Variants in PAG1 observed in about 807,000 individuals in gnomAD.
The protein encoded by PAG1 is phosphoprotein membrane anchor with glycosphingolipid microdomains 1.
In PAG1, 23 loss-of-function variants were observed where a neutral mutation model predicts 31.7. The observed-to-expected ratio is 0.73, with a 90% CI of 0.52 to 1.03. The LOEUF (loss-of-function observed/expected upper bound fraction) is 1.03, where lower values mean the gene tolerates loss of function less well. Among genes scored for constraint, PAG1 ranks in the 50% least tolerant of loss-of-function variants. The pLI, the probability that PAG1 is intolerant of heterozygous loss-of-function variation, is 0.00. For missense variants in PAG1, 473 were observed against 540.7 expected (o/e 0.87, Z 1.24); for synonymous variants, 214 against 210.3 (o/e 1.02, Z -0.15).
At chr8:81,005,398 G>C (rs1807857589) in intron 3 of PAG1, among the ~76,000 whole-genome samples, 1 of 152,156 alleles carries the variant, frequency 6.6e-6, no homozygotes, top group African/African-American at 2.4e-5. Context: ...ACACAGGTGG[G>C]GGAAATCAGT....
intron 4 of PAG1, among the ~76,000 whole-genome samples, chr8:80,992,445 G>A (rs1357996919): frequency 6.6e-6 from 1 of 152,246 alleles, no homozygotes; most frequent in Non-Finnish European, 1.5e-5. Context: ...TAGCCTATCA[G>A]AAGGTTATGT....
intron 2 of PAG1, among the ~76,000 whole-genome samples, chr8:81,048,645 A>G (rs1015095813): frequency 6.6e-6 from 1 of 152,192 alleles, no homozygotes; most frequent in African/African-American, 2.4e-5. Flanking sequence ...CTTATCTGAC[A>G]ATGATTTTAT....
chr8:81,057,537 A>T (rs1159589322), intron 2 of PAG1, among the ~76,000 whole-genome samples: 1 of 131,248 alleles, frequency 7.6e-6, no homozygotes, highest in Non-Finnish European at 1.6e-5. Context: ...GGACACAGGA[A>T]GGGGAACATC....
At chr8:80,995,132 A>G (rs143607366) in intron 3 of PAG1, among the ~76,000 whole-genome samples, 1 of 152,360 alleles carries the variant, frequency 6.6e-6, no homozygotes, top group Non-Finnish European at 1.5e-5. Context: ...TTATTTGAAT[A>G]TTCAAAGTTA....
intron 2 of PAG1, among the ~76,000 whole-genome samples, chr8:81,056,995 A>G (rs1381586268): frequency 6.6e-6 from 1 of 152,240 alleles, no homozygotes; most frequent in Non-Finnish European, 1.5e-5. Flanking sequence ...GCCATCGGAG[A>G]AATGCAAATC....
chr8:81,056,147 G>A (rs1808819565), intron 2 of PAG1, among the ~76,000 whole-genome samples: 1 of 152,082 alleles, frequency 6.6e-6, no homozygotes, highest in Admixed American at 6.6e-5. Flanking sequence ...TACCTAATTT[G>A]TTGAGAGTTT....
chr8:81,088,538 A>C (rs1809397062), intron 1 of PAG1, among the ~76,000 whole-genome samples: 1 of 152,210 alleles, frequency 6.6e-6, no homozygotes, highest in Admixed American at 6.5e-5. Flanking sequence ...TATAATACAA[A>C]ATAGACAAAC....
chr8:81,071,688 G>C (rs1809096278), intron 1 of PAG1, among the ~76,000 whole-genome samples: 1 of 152,090 alleles, frequency 6.6e-6, no homozygotes, highest in Non-Finnish European at 1.5e-5. Context: ...TATATACAAG[G>C]GGCACACAAA....
chr8:81,100,620 T>C (rs921239505), intron 1 of PAG1, among the ~76,000 whole-genome samples: 2 of 152,210 alleles, frequency 1.3e-5, no homozygotes, highest in Admixed American at 6.5e-5. Context: ...AAGTTTAACA[T>C]GGATCAAACC....
chr8:81,069,670 C>G (rs1394656441), intron 2 of PAG1, among the ~76,000 whole-genome samples: 1 of 152,132 alleles, frequency 6.6e-6, no homozygotes, highest in Non-Finnish European at 1.5e-5. Flanking sequence ...AAAACACAGC[C>G]TCGTATATTT....
chr8:81,058,343 A>G (rs1808861614), intron 2 of PAG1, among the ~76,000 whole-genome samples: 1 of 152,234 alleles, frequency 6.6e-6, no homozygotes, highest in African/African-American at 2.4e-5. Flanking sequence ...AATACTTGGG[A>G]AAAACAAATT....
chr8:81,076,728 T>C (rs780473910), intron 1 of PAG1, among the ~76,000 whole-genome samples: 1 of 152,224 alleles, frequency 6.6e-6, no homozygotes, highest in Non-Finnish European at 1.5e-5. Context: ...CTAGGGCCCA[T>C]GCTAAGTACA....
intron 1 of PAG1, among the ~76,000 whole-genome samples, chr8:81,086,397 G>A (rs1809357317): frequency 6.6e-6 from 1 of 152,016 alleles, no homozygotes; most frequent in East Asian, 1.9e-4. Context: ...CATCTATCTA[G>A]TTCATTTTTT....
chr8:81,062,033 A>G (rs1808927630), intron 2 of PAG1, among the ~76,000 whole-genome samples: 1 of 152,218 alleles, frequency 6.6e-6, no homozygotes, highest in Non-Finnish European at 1.5e-5. Context: ...TATTTATTAT[A>G]TTAAGAGATT....
Position 80,967,983 on chromosome 8 carries a change from G to A in PAG1, c.*8561C>T, listed in dbSNP as rs1349700659. On this transcript the variant is annotated 3_prime_UTR_variant, in exon 9 of 9. Transcript: ENST00000220597. ...TACAAGTTAAACTCCAGTCTTTTCT[G>A]GATATTCAATTGAAATACTACTGGC... 2 of 149,684 alleles carry A rather than the reference G, an allele frequency of 1.3e-5. No individual in the cohort carries two copies. The highest frequency in any genetic ancestry group is 3.0e-5 in the Non-Finnish European group (2 of 67,766). 9.3% of individuals were successfully genotyped at this position (149,684 alleles called of 1,614,324 possible).
chr8:80,995,769 G>A (rs997237366), intron 3 of PAG1, among the ~76,000 whole-genome samples: 2 of 152,162 alleles, frequency 1.3e-5, no homozygotes, highest in Non-Finnish European at 2.9e-5. Context: ...GTGTGGAATC[G>A]CCAACAACTC....
intron 2 of PAG1, among the ~76,000 whole-genome samples, chr8:81,053,913 T>C (rs1239013514): frequency 6.6e-6 from 1 of 151,712 alleles, no homozygotes; most frequent in African/African-American, 2.4e-5. Flanking sequence ...GGCCAGAGAG[T>C]AAACATTTTA....
rs148436434 is a variant in PAG1, at chr8:80,987,311, C to G, written c.274+59G>C. The G allele has an allele frequency of 2.4e-4, 258 of 1,060,668 alleles. 3 individuals are homozygous for G. The African/African-American group carries it at 3.0e-3, about 12-fold the overall frequency. 65.7% of individuals were successfully genotyped at this position (1,060,668 alleles called of 1,614,324 possible). A position where few individuals can be genotyped will look rare whatever the true frequency, so the allele number is the denominator to read the frequency against. ...CTTTTTGAGCTATGTATTTTGAAAC[C>G]TAGGACTTCCAGAGGTGATGAGGCC... On this transcript the variant is annotated intron_variant, in intron 6 of 8. Transcript: ENST00000220597.
At chr8:81,059,430 T>C (rs1426732555) in intron 2 of PAG1, among the ~76,000 whole-genome samples, 1 of 152,164 alleles carries the variant, frequency 6.6e-6, no homozygotes, top group Non-Finnish European at 1.5e-5. Context: ...GGGTGTTATG[T>C]TACTACCAGA....
Sources: gnomAD v4.1 joint callset for allele counts (sites outside exome capture counted in the v4.1 genomes callset) on GRCh38, gnomAD v4.1.1 for gene constraint, MANE v1.5 for transcripts, NCBI Gene and HGNC (gene_info 2026-07-23, HGNC 2026-07-21) for gene names.